Variants in DSG2 observed in about 807,000 individuals in gnomAD.
The protein encoded by DSG2 is desmoglein 2.
A neutral mutation model predicts 75.6 loss-of-function variants in DSG2; 45 were observed. The ratio of observed to expected loss-of-function variants is 0.60; its 90% CI spans 0.47 to 0.76. DSG2 has a LOEUF of 0.76. Ranked by LOEUF, DSG2 falls within the 30% of genes least tolerant of loss-of-function variation. DSG2 has a pLI of 0.00. For missense variants in DSG2, 1,267 were observed against 1,357.4 expected (o/e 0.93, Z 1.05); for synonymous variants, 429 against 483.9 (o/e 0.89, Z 1.49).
At position 31,548,197 on chromosome 18, in the gene DSG2, A is replaced by AT. The variant is rs958247819; in HGVS notation, c.*1461dup. The AT allele has an allele frequency of 3.9e-5, 6 of 152,106 alleles. No homozygotes were observed. The highest frequency in any genetic ancestry group is 8.8e-5 in the Non-Finnish European group (6 of 67,998). 9.4% of individuals were successfully genotyped at this position (152,106 alleles called of 1,614,324 possible). A position where few individuals can be genotyped will look rare whatever the true frequency, so the allele number is the denominator to read the frequency against. On this transcript the variant is annotated 3_prime_UTR_variant, in exon 15 of 15. Coordinates refer to ENST00000261590, the MANE Select transcript of DSG2 (RefSeq NM_001943.5). ...ACATCCTTCCCTTTTCTACAAGTTA[A>AT]TTTTTTTACAAATCATTTGGGTTAT...
intron 1 of DSG2, among the ~76,000 whole-genome samples, chr18:31,501,810 G>A (rs2073015224): frequency 6.6e-6 from 1 of 152,128 alleles, no homozygotes; most frequent in Non-Finnish European, 1.5e-5. Context: ...ACATTCTGAG[G>A]TACTGGTGGT....
intron 14 of DSG2, 65 bp downstream of exon 14, chr18:31,542,917 T>G: frequency 1.8e-6 from 2 of 1,081,948 alleles, no homozygotes; most frequent in Non-Finnish European, 2.5e-6. Flanking sequence ...GAATGTGATA[T>G]TATTAGGGTA....
At chr18:31,521,300 A>G (rs982136348) in intron 5 of DSG2, 57 bp downstream of exon 5, 22 of 1,489,914 alleles carry the variant, frequency 1.5e-5, no homozygotes, top group Non-Finnish European at 1.9e-5. Context: ...CTTTATCCCC[A>G]CTGTAAATAA....
At position 31,548,455 on chromosome 18, in the gene DSG2, C is replaced by CCG. The variant is rs1393613518; in HGVS notation, c.*1712_*1713insCG. The CCG allele has an allele frequency of 2.6e-5, 4 of 151,838 alleles. No homozygotes were observed. The highest frequency in any genetic ancestry group is 9.7e-5 in the African/African-American group (4 of 41,270). The allele number at this position is 151,838 out of a possible 1,614,324, so 9.4% of individuals were successfully genotyped here. A position where few individuals can be genotyped will look rare whatever the true frequency, so the allele number is the denominator to read the frequency against. ...GATTTATATAGTGTGCTCCCACTAA[C>CCG]TGTACAGATCAGGACACATATTTTT... On this transcript the variant is annotated 3_prime_UTR_variant, in exon 15 of 15. Coordinates refer to ENST00000261590, the MANE Select transcript of DSG2 (RefSeq NM_001943.5).
Position 31,522,152 on chromosome 18 carries a change from A to T in DSG2, c.593A>T (p.Tyr198Phe). The T allele has an allele frequency of 6.2e-7, 1 of 1,613,882 alleles. No individual in the cohort carries two copies. The highest frequency in any genetic ancestry group is 8.5e-7 in the Non-Finnish European group (1 of 1,179,804). The change falls in exon 6 of 15, where the codon TAT (tyrosine) becomes TTT (phenylalanine). Residue 198 changes from tyrosine to phenylalanine, a missense_variant. Transcript: ENST00000261590. ...EPNTLNSKISYRIVSLEPAYP... is the reference protein window; with the variant it reads ...EPNTLNSKISFRIVSLEPAYP... ...AATACCCTGAATTCGAAAATTTCCT[A>T]TAGAATCGTATCTCTGGAGCCTGCT...
chr18:31,537,440 A>T (rs548302852), intron 11 of DSG2, among the ~76,000 whole-genome samples: 10 of 152,254 alleles, frequency 6.6e-5, no homozygotes, highest in African/African-American at 2.4e-4. Flanking sequence ...TAACACGGTG[A>T]AACCCCGTCT....
At chr18:31,532,907 T>TTTTG (rs78547095) in intron 9 of DSG2, among the ~76,000 whole-genome samples, 4,071 of 150,148 alleles carry the variant, frequency 0.027, 131 homozygotes, top group East Asian at 0.08. Flanking sequence ...TTGGCTGCTG[T>TTTTG]TTTGTTTGTT....
At position 31,521,238 on chromosome 18, in the gene DSG2, C is replaced by T; in HGVS notation, c.518C>T (p.Ala173Val). Residue 173 changes from alanine (A) to valine (V), a missense_variant, in exon 5 of 15, where the codon GCA becomes GTA. Coordinates refer to ENST00000261590, the MANE Select transcript of DSG2 (RefSeq NM_001943.5). ...VFVGSVEELS[A>V]AHTLVMKINA... ...GTTGGGTCTGTTGAAGAGTTGAGTG[C>T]AGCACGTAAGAGTCTTTTTTTTTTT... is the stretch of plus-strand genomic sequence containing the variant. 2 of 1,611,234 alleles carry T rather than the reference C, an allele frequency of 1.2e-6. No homozygotes were observed. Among genetic ancestry groups the T allele is most frequent in the Non-Finnish European group, 1.7e-6 (2 of 1,178,982 alleles).
intron 12 of DSG2, among the ~76,000 whole-genome samples, chr18:31,539,500 C>T (rs1212286644): frequency 1.3e-5 from 2 of 152,250 alleles, no homozygotes; most frequent in African/African-American, 4.8e-5. Flanking sequence ...TAGGCAGACC[C>T]TCTGAGCACT....
intron 6 of DSG2, 119 bp from the exon 7 acceptor site, chr18:31,524,329 C>T: frequency 7.3e-7 from 1 of 1,372,716 alleles, no homozygotes; most frequent in Non-Finnish European, 1.0e-6. Context: ...AATAGCAGAT[C>T]ATAAAACAGA....
chr18:31,528,554 C>CA (rs771692764), intron 8 of DSG2, among the ~76,000 whole-genome samples: 3 of 151,758 alleles, frequency 2.0e-5, no homozygotes, highest in African/African-American at 4.8e-5. Context: ...TCTACTAAAA[C>CA]AAAAAATTAG....
intron 8 of DSG2, among the ~76,000 whole-genome samples, chr18:31,525,689 G>A (rs1240935940): frequency 6.6e-6 from 1 of 152,162 alleles, no homozygotes; most frequent in Non-Finnish European, 1.5e-5. Flanking sequence ...TCATTGGGCA[G>A]GTTTCAGGAA....
At position 31,547,384 on chromosome 18, in the gene DSG2, A is replaced by G. The variant is rs1049786957; in HGVS notation, c.*641A>G. 6.4e-6 allele frequency: 1 copy of G among 157,112 alleles called. No homozygotes were observed. Among genetic ancestry groups the G allele is most frequent in the African/African-American group, 2.4e-5 (1 of 41,498 alleles). The allele number at this position is 157,112 out of a possible 1,614,324, so 9.7% of individuals were successfully genotyped here. ...GTACATACTGTATAGTCTTAAAAAT[A>G]GCATTATACTGGCCAGGGGTGGTGG... On this transcript the variant is annotated 3_prime_UTR_variant, in exon 15 of 15. Transcript: ENST00000261590.
At chr18:31,515,506 C>T (rs1329017126) in intron 1 of DSG2, among the ~76,000 whole-genome samples, 1 of 152,172 alleles carries the variant, frequency 6.6e-6, no homozygotes, top group East Asian at 1.9e-4. Context: ...ACCCAAGGAA[C>T]ATGCAGAGAG....
chr18:31,526,605 T>G (rs773147921), intron 8 of DSG2, among the ~76,000 whole-genome samples: 4 of 152,186 alleles, frequency 2.6e-5, no homozygotes, highest in Non-Finnish European at 5.9e-5. Flanking sequence ...AATTTATAGG[T>G]ATGACCACGC....
At chr18:31,522,320 T>G in intron 6 of DSG2, 71 bp downstream of exon 6, 1 of 1,450,466 alleles carries the variant, frequency 6.9e-7, no homozygotes, top group Non-Finnish European at 9.6e-7. Flanking sequence ...CTTTTTCTTT[T>G]CTAATTTTCT....
chr18:31,522,152 A>C lies in DSG2; in HGVS notation c.593A>C (p.Tyr198Ser), dbSNP rs786204291. 1 of 1,613,882 alleles carries C rather than the reference A, an allele frequency of 6.2e-7. No homozygotes were observed. Among genetic ancestry groups the C allele is most frequent in the Admixed American group, 1.7e-5 (1 of 60,018 alleles). The change falls in exon 6 of 15, where the codon TAT becomes TCT. Residue 198 changes from tyrosine to serine, a missense_variant. Tyr to Ser is a moderately radical substitution (Grantham distance 144, BLOSUM62 -2). Coordinates refer to ENST00000261590, the MANE Select transcript of DSG2 (RefSeq NM_001943.5). ...AATACCCTGAATTCGAAAATTTCCT[A>C]TAGAATCGTATCTCTGGAGCCTGCT... ...EPNTLNSKIS[Y>S]RIVSLEPAYP... is the part of the protein sequence containing the mutation.
intron 1 of DSG2, among the ~76,000 whole-genome samples, chr18:31,503,925 G>C (rs9945031): frequency 6.6e-6 from 1 of 151,956 alleles, no homozygotes; most frequent in Non-Finnish European, 1.5e-5. Context: ...AATTGGGCAC[G>C]TGTGAAGAAT....
intron 8 of DSG2, among the ~76,000 whole-genome samples, chr18:31,529,394 C>G (rs1397893495): frequency 6.6e-6 from 1 of 152,048 alleles, no homozygotes; most frequent in East Asian, 1.9e-4. Context: ...GATTTTATTT[C>G]TCATCCGGCA....
Sources: gnomAD v4.1 joint callset for allele counts (sites outside exome capture counted in the v4.1 genomes callset) on GRCh38, gnomAD v4.1.1 for gene constraint, MANE v1.5 for transcripts, NCBI Gene and HGNC (gene_info 2026-07-23, HGNC 2026-07-21) for gene names.